CCDC73: variants seen among roughly 807,000 people sequenced by gnomAD.
The protein encoded by CCDC73 is coiled-coil domain containing 73, also known as coiled-coil domain-containing protein 73.
Under a neutral mutation model 116.5 loss-of-function variants are expected in CCDC73, and 95 were observed. The ratio of observed to expected loss-of-function variants is 0.82; its 90% CI spans 0.69 to 0.97. CCDC73 has a LOEUF of 0.97. Among genes scored for constraint, CCDC73 ranks in the 50% least tolerant of loss-of-function variants. CCDC73 has a pLI of 0.00. For missense variants in CCDC73, 1,066 were observed against 1,206.8 expected (o/e 0.88, Z 1.73); for synonymous variants, 398 against 401.3 (o/e 0.99, Z 0.10).
chr11:32,605,604 T>C (rs1459555727), intron 17 of CCDC73: 1 of 152,236 alleles, frequency 6.6e-6, no homozygotes, highest in African/African-American at 2.4e-5. Context: ...TTGACTTTTT[T>C]ATCTTGATGA....
intron 13 of CCDC73, among the ~76,000 whole-genome samples, chr11:32,637,017 C>CTTTTTTTT (rs71063750): frequency 5.7e-4 from 50 of 87,936 alleles, no homozygotes; most frequent in African/African-American, 1.3e-3. Flanking sequence ...TTTTCTTTTT[C>CTTTTTTTT]TTTTTTTTTT....
chr11:32,684,842 C>T (rs1471131161), intron 6 of CCDC73, among the ~76,000 whole-genome samples: 3 of 151,906 alleles, frequency 2.0e-5, no homozygotes, highest in East Asian at 1.9e-4. Context: ...TAGCTGGGTA[C>T]GCTGGTGTGT....
intron 15 of CCDC73, among the ~76,000 whole-genome samples, chr11:32,615,621 T>TG (rs1333426504): frequency 6.6e-6 from 1 of 152,162 alleles, no homozygotes; most frequent in Non-Finnish European, 1.5e-5. Context: ...CTCCACCAAG[T>TG]GGTTGTTCAG....
At chr11:32,704,204 G>A (rs1382875248) in intron 3 of CCDC73, among the ~76,000 whole-genome samples, 1 of 152,194 alleles carries the variant, frequency 6.6e-6, no homozygotes, top group Non-Finnish European at 1.5e-5. Context: ...CTAAACCCAG[G>A]TATCCCTGCA....
chr11:32,644,911 T>C (rs143004256), intron 12 of CCDC73, among the ~76,000 whole-genome samples: 258 of 152,318 alleles, frequency 1.7e-3, no homozygotes, highest in African/African-American at 5.9e-3. Context: ...GATTCATCCA[T>C]TTTGTTGTGT....
intron 1 of CCDC73, among the ~76,000 whole-genome samples, chr11:32,776,948 TATATATATATATAC>T (rs776898879): frequency 0.56 from 76,546 of 136,670 alleles, 22,161 homozygotes; most frequent in East Asian, 0.84. Flanking sequence ...TATATATATA[TATATATATATATAC>T]ACACACACAC....
At chr11:32,682,917 A>C (rs1320725826) in intron 7 of CCDC73, 1 of 154,600 alleles carries the variant, frequency 6.5e-6, no homozygotes, top group African/African-American at 2.4e-5. Context: ...TATCCTAAAT[A>C]CTACTTCATA....
chr11:32,741,714 T>C (rs543093717), intron 2 of CCDC73, among the ~76,000 whole-genome samples: 4 of 152,118 alleles, frequency 2.6e-5, no homozygotes, highest in African/African-American at 9.6e-5. Flanking sequence ...GAATGTGAAG[T>C]TCTGTTACAT....
intron 6 of CCDC73, among the ~76,000 whole-genome samples, chr11:32,696,960 G>A (rs1174516697): frequency 1.3e-5 from 2 of 150,638 alleles, no homozygotes; most frequent in Non-Finnish European, 2.9e-5. Flanking sequence ...CTCCTGAGTA[G>A]CTAAGACTAC....
intron 14 of CCDC73, among the ~76,000 whole-genome samples, chr11:32,629,511 T>C (rs1295358270): frequency 6.6e-6 from 1 of 151,942 alleles, no homozygotes; most frequent in Non-Finnish European, 1.5e-5. Flanking sequence ...AGCGTTCTCC[T>C]GCCTCAGCCT....
At chr11:32,775,924 T>C (rs72897183) in intron 1 of CCDC73, among the ~76,000 whole-genome samples, 7,473 of 152,262 alleles carry the variant, frequency 0.049, 218 homozygotes, top group East Asian at 0.12. Context: ...CAAATCAAAA[T>C]TTGTACTTTT....
intron 2 of CCDC73, among the ~76,000 whole-genome samples, chr11:32,737,679 C>T (rs1403982672): frequency 1.3e-5 from 2 of 151,772 alleles, no homozygotes; most frequent in East Asian, 1.9e-4. Context: ...AGCATTTATC[C>T]TTTATGTTAC....
the CCDC73 span, among the ~76,000 whole-genome samples, chr11:32,817,263 C>T: frequency 6.6e-6 from 1 of 152,150 alleles, no homozygotes; most frequent in Non-Finnish European, 1.5e-5. Context: ...ATGCAATGAA[C>T]GTCTTCAGAG....
intron 13 of CCDC73, among the ~76,000 whole-genome samples, chr11:32,637,017 C>CTTTTTTTTTTT (rs71063750): frequency 1.7e-4 from 15 of 87,938 alleles, no homozygotes; most frequent in African/African-American, 2.4e-4. Flanking sequence ...TTTTCTTTTT[C>CTTTTTTTTTTT]TTTTTTTTTT....
At chr11:32,790,470 C>A (rs1266253515) in intron 1 of CCDC73, among the ~76,000 whole-genome samples, 1 of 152,088 alleles carries the variant, frequency 6.6e-6, no homozygotes, top group African/African-American at 2.4e-5. Context: ...TTAACTGTTT[C>A]ATGTTTGAAG....
At chr11:32,682,378 A>G (rs1438007593) in intron 7 of CCDC73, 3 of 151,938 alleles carry the variant, frequency 2.0e-5, no homozygotes, top group Non-Finnish European at 4.4e-5. Context: ...TAGTCTGACA[A>G]TATTATTTTT....
At chr11:32,715,016 A>T (rs1849932239) in intron 3 of CCDC73, among the ~76,000 whole-genome samples, 1 of 152,168 alleles carries the variant, frequency 6.6e-6, no homozygotes, top group South Asian at 2.1e-4. Context: ...TGAAATATTT[A>T]CTACGTGGCT....
intron 1 of CCDC73, among the ~76,000 whole-genome samples, chr11:32,791,580 C>T (rs189869481): frequency 2.0e-4 from 30 of 152,164 alleles, no homozygotes; most frequent in Admixed American, 6.5e-4. Flanking sequence ...TTGGAAAATT[C>T]TAATCTACAA....
chr11:32,658,003 A>T (rs1056848194), intron 9 of CCDC73, among the ~76,000 whole-genome samples: 1 of 83,680 alleles, frequency 1.2e-5, no homozygotes, highest in East Asian at 3.4e-4. Flanking sequence ...ATAAAAACCC[A>T]CCCCCTACCC....
Sources: allele counts gnomAD v4.1 joint callset (sites outside exome capture counted in the v4.1 genomes callset), GRCh38; gene constraint gnomAD v4.1.1; transcripts MANE v1.5; gene names NCBI Gene and HGNC (gene_info 2026-07-23, HGNC 2026-07-21).